Variants in TNXB observed in about 807,000 individuals in gnomAD.
TNXB encodes tenascin-X.
A neutral mutation model predicts 340.5 loss-of-function variants in TNXB; 183 were observed. The ratio of observed to expected loss-of-function variants is 0.54; its 90% confidence interval spans 0.48 to 0.61. The LOEUF is 0.61. Ranked by LOEUF, TNXB falls within the 20% of genes least tolerant of loss-of-function variation. TNXB has a pLI of 0.00. For synonymous variants in TNXB, 2,121 were observed against 2,314.5 expected (o/e 0.92, Z 2.40); for missense variants, 4,613 against 5,446.4 (o/e 0.85, Z 4.82).
intron 24 of TNXB, 54 bp downstream of exon 24, chr6:32,055,797 T>A: frequency 1.9e-6 from 3 of 1,567,912 alleles, no homozygotes; most frequent in Non-Finnish European, 2.6e-6. Flanking sequence ...TTTCATGAAG[T>A]TGCAGAGAAA....
Position 32,072,397 on chromosome 6 carries a change from A to C in TNXB, c.4682-99T>G. On this transcript the variant is annotated intron_variant, in intron 12 of 43. Transcript: ENST00000644971. The surrounding 1 kb of genome is among the most constrained non-coding windows in gnomAD (Gnocchi z 4.4). ...GGGGCTGTGAACTGAGATGGGGAAT[A>C]GTTACACCTTTACTTCCAGACCTCT... is the stretch of plus-strand genomic sequence containing the variant. 1 of 981,868 alleles carries C rather than the reference A, an allele frequency of 1.0e-6. No homozygotes were observed. Among genetic ancestry groups the C allele is most frequent in the Non-Finnish European group, 1.4e-6 (1 of 698,222 alleles). 60.8% of individuals were successfully genotyped at this position (981,868 alleles called of 1,614,324 possible).
intron 18 of TNXB, among the ~76,000 whole-genome samples, chr6:32,066,248 G>A (rs1778329236): frequency 1.3e-5 from 2 of 152,122 alleles, no homozygotes; most frequent in African/African-American, 4.8e-5. Context: ...TTTTAAATTA[G>A]CTGAGTGTGG....
At chr6:32,060,462 GT>G (rs1403816003) in intron 21 of TNXB, among the ~76,000 whole-genome samples, 5 of 150,000 alleles carry the variant, frequency 3.3e-5, no homozygotes, top group Non-Finnish European at 5.9e-5. Context: ...TAAAAGAAAT[GT>G]TTGCCATTTA....
rs779513176 is a variant in TNXB at position 32,050,147 on chromosome 6, C to T, written c.9290G>A (p.Gly3097Glu). ...FDHFLVQYRNGDGQPKAVRVP... is the reference protein window; with the variant it reads ...FDHFLVQYRNEDGQPKAVRVP... ...CCGCACCGCCTTGGGCTGCCCATCC[C>T]CATTCCTGTACTGGACCAGGAAGTG... The change falls in exon 27 of 44, where the codon GGG (glycine) becomes GAG (glutamate). Residue 3097 changes from glycine (G) to glutamate (E), a missense_variant. Gly to Glu is a moderately conservative substitution (Grantham distance 98). Coordinates refer to ENST00000644971, the MANE Select transcript of TNXB (RefSeq NM_001365276.2). 4 of 1,613,780 alleles carry T rather than the reference C, an allele frequency of 2.5e-6. No homozygotes were observed. The highest frequency in any genetic ancestry group is 1.7e-5 in the Admixed American group (1 of 60,012).
rs1363080780 is a variant in TNXB, at chr6:32,096,428, G to A, written c.1425C>T (p.Arg475=). ...SCPGDCRGRG[R]CESGRCMCWP... ...AACACATGCAGCGGCCACTCTCACA[G>A]CGGCCCCGGCCACGACAGTCCCCAG... The change falls in exon 3 of 44, where the codon CGC becomes CGT. Residue 475 remains arginine (R), a synonymous_variant. Coordinates refer to ENST00000644971, the MANE Select transcript of TNXB (RefSeq NM_001365276.2). 1.7e-5 allele frequency: 27 copies of A among 1,593,024 alleles called. No individual in the cohort carries two copies. The highest frequency in any genetic ancestry group is 2.2e-5 in the Non-Finnish European group (26 of 1,176,650).
intron 4 of TNXB, among the ~76,000 whole-genome samples, chr6:32,094,432 T>C (rs1277290130): frequency 1.3e-5 from 2 of 152,178 alleles, no homozygotes; most frequent in African/African-American, 4.8e-5. Flanking sequence ...AAACCAAATA[T>C]GACCAAAACA....
At position 32,095,646 on chromosome 6, in the gene TNXB, C is replaced by A. The variant is rs1264056108; in HGVS notation, c.2207G>T (p.Cys736Phe). The A allele has an allele frequency of 6.2e-7, 1 of 1,613,896 alleles. No homozygotes were observed. Among genetic ancestry groups the A allele is most frequent in the Non-Finnish European group, 8.5e-7 (1 of 1,179,802 alleles). ...RGECHDGSCV[C>F]KDGYAGEDCG... ...GTCTTCGCCAGCATACCCATCTTTGCAGACACAGCTGCCATCGTGACACTC... is the reference window on the plus strand; with the variant it reads ...GTCTTCGCCAGCATACCCATCTTTGAAGACACAGCTGCCATCGTGACACTC... The change falls in exon 3 of 44, where the codon TGC becomes TTC. Residue 736 changes from cysteine (C) to phenylalanine (F), a missense_variant. By Grantham distance (205) the Cys-to-Phe change is radical. This residue lies in a region of TNXB where 4,327 missense variants were observed against 4,859.4 expected (regional missense o/e 0.89). Transcript: ENST00000644971.
intron 18 of TNXB, among the ~76,000 whole-genome samples, chr6:32,066,817 G>A (rs1259320876): frequency 6.6e-6 from 1 of 152,280 alleles, no homozygotes; most frequent in South Asian, 2.1e-4. Context: ...CTCACGCCTG[G>A]AATCCTATCA....
chr6:32,065,425 C>T (rs1778285321), intron 18 of TNXB, among the ~76,000 whole-genome samples: 1 of 152,106 alleles, frequency 6.6e-6, no homozygotes, highest in African/African-American at 2.4e-5. Flanking sequence ...TGTGGGCCTT[C>T]CCTGATTACT....
At position 32,070,311 on chromosome 6, in the gene TNXB, C is replaced by T. The variant is rs968112497; in HGVS notation, c.5094G>A (p.Glu1698=). The change falls in exon 14 of 44, where the codon GAG becomes GAA. Residue 1698 remains glutamate, a synonymous_variant. Transcript: ENST00000644971. This position sits in a 1 kb window ranked among gnomAD's most constrained non-coding sequence, Gnocchi z 6.0. ...GGACCACAAAAGAGTCGAACTGGCCCTCAGGAACCGTCCAGGAGAGGCGCA... is the reference window on the plus strand; with the variant it reads ...GGACCACAAAAGAGTCGAACTGGCCTTCAGGAACCGTCCAGGAGAGGCGCA... The part of the protein sequence containing the change: ...DSLRLSWTVP[E]GQFDSFVVQF... 1 of 1,612,962 alleles carries T rather than the reference C, an allele frequency of 6.2e-7. No individual in the cohort carries two copies. The highest frequency in any genetic ancestry group is 8.5e-7 in the Non-Finnish European group (1 of 1,179,512).
Position 32,048,493 on chromosome 6 carries a change from T to G in TNXB, c.9915A>C (p.Ala3305=). 6.2e-7 allele frequency: 1 copy of G among 1,601,274 alleles called. No homozygotes were observed. Residue 3305 remains alanine, a synonymous_variant, in exon 29 of 44, where the codon GCA becomes GCC. Transcript: ENST00000644971. Reference sequence around the variant, plus strand: ...CTCGGAGGTCTCCGCTCACAGGCACTGCCTGGGGCTGCCCCTGCGCGTCCC... The same window carrying G: ...CTCGGAGGTCTCCGCTCACAGGCACGGCCTGGGGCTGCCCCTGCGCGTCCC... The part of the protein sequence containing the change: ...QYRDAQGQPQ[A]VPVSGDLRAV...
chr6:32,069,268 G>T lies in TNXB; in HGVS notation c.5588-132C>A. ...AAAGACCAGCTTTTGCTGCACATGGGTGAATTTCAAAAGCATTGTGCTAAT... is the reference window on the plus strand; with the variant it reads ...AAAGACCAGCTTTTGCTGCACATGGTTGAATTTCAAAAGCATTGTGCTAAT... On this transcript the variant is annotated intron_variant, in intron 15 of 43. Coordinates refer to ENST00000644971, the MANE Select transcript of TNXB (RefSeq NM_001365276.2). This position sits in a 1 kb window ranked among gnomAD's most constrained non-coding sequence, Gnocchi z 6.2. 2.1e-6 allele frequency: 2 copies of T among 937,538 alleles called. No individual in the cohort carries two copies. The highest frequency in any genetic ancestry group is 3.1e-6 in the Non-Finnish European group (2 of 644,532). The allele number at this position is 937,538 out of a possible 1,614,324, so 58.1% of individuals were successfully genotyped here.
In TNXB at chr6:32,083,944, G is replaced by A. The variant is rs984096371; in HGVS notation, c.3445+469C>T. 3.9e-5 allele frequency among the ~76,000 whole-genome samples: 6 copies of A among 152,132 alleles called. No individual in the cohort carries two copies. The highest frequency in any genetic ancestry group is 7.2e-5 in the African/African-American group (3 of 41,398). On this transcript the variant is annotated intron_variant, in intron 8 of 43. Transcript: ENST00000644971. The surrounding 1 kb of genome is among the most constrained non-coding windows in gnomAD (Gnocchi z 4.6). ...CCCAAGGTGCTGGGATTATAGGCAG[G>A]ATCAACCCTGCTAGCCTTTACCAGC...
Position 32,050,110 on chromosome 6 carries a change from G to A in TNXB, c.9327C>T (p.His3109=), listed in dbSNP as rs769053134. The A allele has an allele frequency of 9.3e-6, 15 of 1,613,580 alleles. No homozygotes were observed. Among genetic ancestry groups the A allele is most frequent in the East Asian group, 2.2e-5 (1 of 44,880 alleles). ...GGCCTGAGATGGTGACCCCGTCCTC[G>A]TGCCCCGGCACCCGCACCGCCTTGG... is the stretch of plus-strand genomic sequence containing the variant. ...GQPKAVRVPG[H]EDGVTISGLE... The change falls in exon 27 of 44, where the codon CAC becomes CAT. Residue 3109 remains histidine (H), a synonymous_variant. Transcript: ENST00000644971.
In TNXB at chr6:32,081,965, T is replaced by C. The variant is rs1174732874; in HGVS notation, c.3736+71A>G. 1 of 1,472,010 alleles carries C rather than the reference T, an allele frequency of 6.8e-7. No homozygotes were observed. The highest frequency in any genetic ancestry group is 9.1e-7 in the Non-Finnish European group (1 of 1,094,052). The allele number at this position is 1,472,010 out of a possible 1,614,324, so 91.2% of individuals were successfully genotyped here. A position where few individuals can be genotyped will look rare whatever the true frequency, so the allele number is the denominator to read the frequency against. ...TGTCTTGCTGGGGGACCCCAGCTGG[T>C]TTTGGGCTGAAGGGAAGTGTGCATG... On this transcript the variant is annotated intron_variant, in intron 9 of 43. Transcript: ENST00000644971. The surrounding 1 kb of genome is among the most constrained non-coding windows in gnomAD (Gnocchi z 5.1).
At position 32,072,721 on chromosome 6, in the gene TNXB, G is replaced by A. The variant is rs964208745; in HGVS notation, c.4682-423C>T. Reference sequence around the variant, plus strand: ...GCAGTGGCTCATGCCAGGCCGAGGCGGGTGGATCACCTGAGGTCAGGAGTT... The same window carrying A: ...GCAGTGGCTCATGCCAGGCCGAGGCAGGTGGATCACCTGAGGTCAGGAGTT... On this transcript the variant is annotated intron_variant, in intron 12 of 43. Coordinates refer to ENST00000644971, the MANE Select transcript of TNXB (RefSeq NM_001365276.2). The surrounding 1 kb of genome is among the most constrained non-coding windows in gnomAD (Gnocchi z 4.4). Among the ~76,000 whole-genome samples, 1 of 152,184 alleles carries A rather than the reference G, an allele frequency of 6.6e-6. No homozygotes were observed. The highest frequency in any genetic ancestry group is 1.5e-5 in the Non-Finnish European group (1 of 68,044).
In TNXB at chr6:32,107,582, T is replaced by C. The variant is rs141893358; in HGVS notation, c.-9+1599A>G. On this transcript the variant is annotated intron_variant, in intron 1 of 43. Coordinates refer to ENST00000644971, the MANE Select transcript of TNXB (RefSeq NM_001365276.2). ...TGTAGTGTGTGTTTGGAGAGAGATA[T>C]GGCCTCACCCTCTTGGCACCCTCCC... Among the ~76,000 whole-genome samples, 1,457 of 152,256 alleles carry C rather than the reference T, an allele frequency of 9.6e-3. 24 individuals carry two copies. Among genetic ancestry groups the C allele is most frequent in the African/African-American group, 0.033 (1,388 of 41,558 alleles).
chr6:32,091,510 T>C (rs1780074967), intron 4 of TNXB, among the ~76,000 whole-genome samples: 2 of 150,704 alleles, frequency 1.3e-5, no homozygotes, highest in African/African-American at 4.9e-5. Context: ...GGAATTTCGC[T>C]CTTGTCTCCC....
chr6:32,060,876 C>G (rs1356210134), intron 21 of TNXB, among the ~76,000 whole-genome samples: 1 of 151,932 alleles, frequency 6.6e-6, no homozygotes, highest in South Asian at 2.1e-4. Flanking sequence ...TGACCTCAGG[C>G]GATCAGCCCG....
Sources: gnomAD v4.1 joint callset for allele counts (sites outside exome capture counted in the v4.1 genomes callset) on GRCh38, gnomAD v4.1.1 for gene constraint, gnomAD v4.1.1 regional missense constraint, Gnocchi (gnomAD v3.1) non-coding constraint, MANE v1.5 for transcripts, NCBI Gene and HGNC (gene_info 2026-07-23, HGNC 2026-07-21) for gene names.